NDRG3: variants seen among roughly 807,000 people sequenced by gnomAD.
The protein encoded by NDRG3 is NDRG family member 3.
A neutral mutation model predicts 57.2 loss-of-function variants in NDRG3; 23 were observed. The ratio of observed to expected loss-of-function variants is 0.40; its 90% CI spans 0.29 to 0.57. The LOEUF is 0.57. Ranked by LOEUF, NDRG3 falls within the 20% of genes least tolerant of loss-of-function variation. NDRG3 has a pLI of 0.42. For synonymous variants in NDRG3, 132 were observed against 162.6 expected (o/e 0.81, Z 1.43); for missense variants, 384 against 457.3 (o/e 0.84, Z 1.46).
Position 36,671,378 on chromosome 20 carries a change from T to C in NDRG3, c.551A>G (p.Asn184Ser), listed in dbSNP as rs150971381. The C allele has an allele frequency of 5.3e-5, 85 of 1,613,904 alleles. 1 individual carries two copies. The African/African-American group carries it at 1.0e-3, about 19-fold the overall frequency. The change falls in exon 9 of 16, where the codon AAT (asparagine) becomes AGT (serine). Residue 184 changes from asparagine (N) to serine (S), a missense_variant. Physicochemically the swap from Asn to Ser is conservative, Grantham distance 46 (BLOSUM62 1). Transcript: ENST00000349004. Reference protein sequence around the residue: ...AASKLSGLTTNVVDIILAHHF... With the variant: ...AASKLSGLTTSVVDIILAHHF... ...ATGAGCCAAAATAATGTCCACAACA[T>C]TGGTTGTCAGGCCAGAGAGCTGAAA... is the stretch of plus-strand genomic sequence containing the variant.
chr20:36,692,016 T>G (rs1275388124), intron 3 of NDRG3, among the ~76,000 whole-genome samples: 2 of 152,174 alleles, frequency 1.3e-5, no homozygotes, highest in Non-Finnish European at 2.9e-5. Flanking sequence ...TAGCTTGTGA[T>G]AGGTGCTATA....
chr20:36,687,390 G>A (rs776442780), intron 5 of NDRG3, 102 bp downstream of exon 5: 16 of 1,403,310 alleles, frequency 1.1e-5, no homozygotes, highest in South Asian at 4.0e-5. Context: ...ACCTATAGAC[G>A]GTAATAAAAT....
chr20:36,665,407 C>T (rs1336276290), intron 10 of NDRG3, 106 bp from the exon 11 acceptor site: 4 of 1,001,740 alleles, frequency 4.0e-6, no homozygotes, highest in Non-Finnish European at 4.7e-6. Flanking sequence ...GCGAAACTAT[C>T]TTTCCTTCAC....
Position 36,670,293 on chromosome 20 carries a change from C to T in NDRG3, c.588+1048G>A, listed in dbSNP as rs578165831. Among the ~76,000 whole-genome samples, 5 of 152,008 alleles carry T rather than the reference C, an allele frequency of 3.3e-5. No homozygotes were observed. The East Asian group carries it at 5.8e-4, about 18-fold the overall frequency. On this transcript the variant is annotated intron_variant, in intron 9 of 15. Transcript: ENST00000349004. ...AGTATTACCTCAATTAAAGAGAGGG[C>T]AAGATGGAGGCAAAACTCAAAGGAG...
rs1171088441 is a variant in NDRG3, at chr20:36,652,303, C to G, written c.*1217G>C. 6.6e-6 allele frequency: 1 copy of G among 151,934 alleles called. No individual in the cohort carries two copies. Among genetic ancestry groups the G allele is most frequent in the Non-Finnish European group, 1.5e-5 (1 of 68,070 alleles). The allele number at this position is 151,934 out of a possible 1,614,324, so 9.4% of individuals were successfully genotyped here. A position where few individuals can be genotyped will look rare whatever the true frequency, so the allele number is the denominator to read the frequency against. ...TGGCAGGTGCCTGTAGTCTCAGCTACTCGGGAGGCTGAGGCAGGAGAATCG... is the reference window on the plus strand; with the variant it reads ...TGGCAGGTGCCTGTAGTCTCAGCTAGTCGGGAGGCTGAGGCAGGAGAATCG... On this transcript the variant is annotated 3_prime_UTR_variant, in exon 16 of 16. Coordinates refer to ENST00000349004, the MANE Select transcript of NDRG3 (RefSeq NM_032013.4).
intron 1 of NDRG3, among the ~76,000 whole-genome samples, chr20:36,733,171 A>AAATATATATAT (rs1555807709): frequency 6.3e-4 from 21 of 33,206 alleles, no homozygotes; most frequent in Non-Finnish European, 1.1e-3. Context: ...AAAAAAAAAA[A>AAATATATATAT]ATATATATAT....
rs1409367105 is a variant in NDRG3 at position 36,714,887 on chromosome 20, ACAGGCATGAGC to A, written c.57+6781_57+6791del. 6.6e-5 allele frequency among the ~76,000 whole-genome samples: 10 copies of A among 151,108 alleles called. No homozygotes were observed. The East Asian group carries it at 2.0e-3, about 29-fold the overall frequency. On this transcript the variant is annotated intron_variant, in intron 2 of 15. Transcript: ENST00000349004. ...CTTGGCTTCCCAAAGTGCTGGGATTACAGGCATGAGCCACCGCGCCAGGCCCAGCAAATTGT... is the reference window on the plus strand; with the variant it reads ...CTTGGCTTCCCAAAGTGCTGGGATTACACCGCGCCAGGCCCAGCAAATTGT...
At chr20:36,702,367 A>G (rs1983287225) in intron 3 of NDRG3, among the ~76,000 whole-genome samples, 1 of 152,000 alleles carries the variant, frequency 6.6e-6, no homozygotes, top group Non-Finnish European at 1.5e-5. Flanking sequence ...CGATCTCCTG[A>G]CCTCATGATC....
At chr20:36,676,511 G>A (rs895309946) in intron 8 of NDRG3, among the ~76,000 whole-genome samples, 2 of 152,122 alleles carry the variant, frequency 1.3e-5, no homozygotes, top group Admixed American at 6.5e-5. Flanking sequence ...CACCCAAGCT[G>A]GAGTGCAATG....
chr20:36,727,285 T>A (rs549909535), intron 1 of NDRG3, among the ~76,000 whole-genome samples: 1 of 151,968 alleles, frequency 6.6e-6, no homozygotes, highest in Non-Finnish European at 1.5e-5. Flanking sequence ...AGTGGCACGA[T>A]CTCAGCTCAC....
At chr20:36,729,839 A>C (rs934907364) in intron 1 of NDRG3, among the ~76,000 whole-genome samples, 9 of 152,124 alleles carry the variant, frequency 5.9e-5, no homozygotes, top group African/African-American at 2.2e-4. Context: ...ATTAGCAACA[A>C]TCTTCAATAG....
intron 1 of NDRG3, among the ~76,000 whole-genome samples, chr20:36,743,901 G>A (rs1454987588): frequency 7.0e-6 from 1 of 143,726 alleles, no homozygotes; most frequent in Non-Finnish European, 1.5e-5. Flanking sequence ...ACATAAACAA[G>A]CTTTTTTTTT....
chr20:36,713,567 T>C (rs1984046857), intron 2 of NDRG3, among the ~76,000 whole-genome samples: 1 of 152,004 alleles, frequency 6.6e-6, no homozygotes, highest in South Asian at 2.1e-4. Flanking sequence ...GCAACAGACA[T>C]AATGTAAAGA....
intron 1 of NDRG3, among the ~76,000 whole-genome samples, chr20:36,726,968 G>A (rs1239905863): frequency 6.7e-6 from 1 of 150,280 alleles, no homozygotes; most frequent in Non-Finnish European, 1.5e-5. Context: ...CCAGGCTGGA[G>A]CACAGTGGGG....
At chr20:36,725,600 T>TAAAA in intron 1 of NDRG3, among the ~76,000 whole-genome samples, 1 of 82,432 alleles carries the variant, frequency 1.2e-5, no homozygotes, top group Non-Finnish European at 2.4e-5. Flanking sequence ...AGACTCCGTC[T>TAAAA]AAAAAAAAAA....
chr20:36,659,560 T>TA (rs1461018030), intron 13 of NDRG3, among the ~76,000 whole-genome samples: 1 of 152,230 alleles, frequency 6.6e-6, no homozygotes, highest in Non-Finnish European at 1.5e-5. Context: ...TGCAGTGTTT[T>TA]ACAATGAGAA....
chr20:36,745,255 TATATTA>T (rs1986130934), intron 1 of NDRG3, among the ~76,000 whole-genome samples: 2 of 152,200 alleles, frequency 1.3e-5, no homozygotes, highest in Non-Finnish European at 2.9e-5. Flanking sequence ...CGTTAGCTCT[TATATTA>T]ATAACACTAT....
intron 12 of NDRG3, among the ~76,000 whole-genome samples, chr20:36,663,154 G>A (rs1979346611): frequency 6.6e-6 from 1 of 152,050 alleles, no homozygotes; most frequent in Admixed American, 6.5e-5. Flanking sequence ...TTACCTCTGG[G>A]GAATGTTTTT....
intron 8 of NDRG3, among the ~76,000 whole-genome samples, chr20:36,674,218 G>C (rs1362821854): frequency 6.7e-6 from 1 of 150,306 alleles, no homozygotes; most frequent in Admixed American, 6.6e-5. Flanking sequence ...TTTCTTTTTT[G>C]AGATGGAGTC....
Sources: gnomAD v4.1 joint callset for allele counts (sites outside exome capture counted in the v4.1 genomes callset) on GRCh38, gnomAD v4.1.1 for gene constraint, MANE v1.5 for transcripts, NCBI Gene and HGNC (gene_info 2026-07-23, HGNC 2026-07-21) for gene names.